Variants in SLC24A3 observed in about 807,000 individuals in gnomAD.
SLC24A3 encodes sodium/potassium/calcium exchanger 3.
SLC24A3 carries 28 observed loss-of-function variants against 75.8 expected under a neutral mutation model. That is an observed-to-expected ratio of 0.37 (90% CI 0.27 to 0.51). The LOEUF is 0.51. Ranked by LOEUF, SLC24A3 falls within the 20% of genes least tolerant of loss-of-function variation. SLC24A3 has a pLI of 0.94. For missense variants in SLC24A3, 663 were observed against 847.8 expected, an observed-to-expected ratio of 0.78 and a Z score of 2.71; for synonymous variants, 372 against 334.1, an observed-to-expected ratio of 1.11 and a Z score of -1.24.
chr20:19,538,349 A>G (rs1048706230), intron 3 of SLC24A3, among the ~76,000 whole-genome samples: 3 of 152,228 alleles, frequency 2.0e-5, no homozygotes, highest in Non-Finnish European at 4.4e-5. Context: ...AGACTTAACT[A>G]TAGATAGAGA....
intron 6 of SLC24A3, among the ~76,000 whole-genome samples, chr20:19,645,685 A>G (rs7344230): frequency 1.1e-3 from 166 of 152,300 alleles, no homozygotes; most frequent in Middle Eastern, 3.4e-3. Context: ...AAAAAATGCA[A>G]TGTACACTTT....
intron 3 of SLC24A3, among the ~76,000 whole-genome samples, chr20:19,568,186 A>G (rs1038999610): frequency 2.0e-5 from 3 of 152,230 alleles, no homozygotes; most frequent in African/African-American, 2.4e-5. Flanking sequence ...CACTATAGTT[A>G]GGAATGCAAA....
intron 2 of SLC24A3, among the ~76,000 whole-genome samples, chr20:19,394,726 G>A (rs1986424065): frequency 6.6e-6 from 1 of 152,222 alleles, no homozygotes; most frequent in Non-Finnish European, 1.5e-5. Flanking sequence ...AACAACTGTT[G>A]ATAAGTCTGT....
At chr20:19,405,237 A>G (rs1373860692) in intron 2 of SLC24A3, among the ~76,000 whole-genome samples, 1 of 152,162 alleles carries the variant, frequency 6.6e-6, no homozygotes, top group Non-Finnish European at 1.5e-5. Context: ...CCCTCTGTGC[A>G]GTGGCTTGAG....
chr20:19,659,710 A>G (rs542139508), intron 7 of SLC24A3, among the ~76,000 whole-genome samples: 2 of 152,214 alleles, frequency 1.3e-5, no homozygotes, highest in Non-Finnish European at 2.9e-5. Flanking sequence ...CGAGTTTGCC[A>G]GAGCAGGTGT....
In SLC24A3 at chr20:19,294,241, C is replaced by G. The variant is rs545765192; in HGVS notation, c.271+13154C>G. 7.9e-5 allele frequency among the ~76,000 whole-genome samples: 12 copies of G among 152,108 alleles called. 1 individual carries two copies. Among genetic ancestry groups the G allele is most frequent in the African/African-American group, 2.9e-4 (12 of 41,468 alleles). On this transcript the variant is annotated intron_variant, in intron 2 of 16. Coordinates refer to ENST00000328041, the MANE Select transcript of SLC24A3 (RefSeq NM_020689.4). The stretch of plus-strand genomic sequence containing the variant: ...AATCAAACCATTTTAATTAATTACT[C>G]TAGTCAAAATTACTTTTAATCAATA...
At chr20:19,423,378 C>G (rs148500728) in intron 2 of SLC24A3, among the ~76,000 whole-genome samples, 5 of 152,106 alleles carry the variant, frequency 3.3e-5, no homozygotes, top group South Asian at 4.1e-4. Context: ...GGCCTTTGCT[C>G]GGTCTGAAAA....
intron 6 of SLC24A3, among the ~76,000 whole-genome samples, chr20:19,610,103 G>C (rs1031588963): frequency 1.3e-5 from 2 of 152,086 alleles, no homozygotes; most frequent in African/African-American, 2.4e-5. Flanking sequence ...TGTGACAGTT[G>C]GTACTTTTTT....
At chr20:19,673,316 C>G (rs2032489629) in intron 8 of SLC24A3, among the ~76,000 whole-genome samples, 1 of 152,200 alleles carries the variant, frequency 6.6e-6, no homozygotes, top group Non-Finnish European at 1.5e-5. Context: ...GACCTATATT[C>G]AGCAACGTGT....
intron 4 of SLC24A3, among the ~76,000 whole-genome samples, chr20:19,583,131 C>T (rs2031242467): frequency 6.6e-6 from 1 of 152,066 alleles, no homozygotes; most frequent in African/African-American, 2.4e-5. Flanking sequence ...CAGAGCAGCT[C>T]CAGGGTAATA....
chr20:19,387,180 CT>C (rs1461832242), intron 2 of SLC24A3, among the ~76,000 whole-genome samples: 2 of 152,028 alleles, frequency 1.3e-5, no homozygotes, highest in African/African-American at 4.8e-5. Flanking sequence ...TCTGTAGAAT[CT>C]ATTGTAATGT....
intron 2 of SLC24A3, among the ~76,000 whole-genome samples, chr20:19,314,645 C>T (rs990028211): frequency 1.3e-5 from 2 of 152,204 alleles, no homozygotes; most frequent in Non-Finnish European, 2.9e-5. Context: ...ATTGTAGACA[C>T]TTAAGCATTC....
chr20:19,413,488 G>T (rs1436170534), intron 2 of SLC24A3, among the ~76,000 whole-genome samples: 1 of 152,114 alleles, frequency 6.6e-6, no homozygotes, highest in African/African-American at 2.4e-5. Context: ...CCTTTGAGCT[G>T]CCCCGTTCTT....
At chr20:19,592,843 TG>T (rs2031398428) in intron 6 of SLC24A3, among the ~76,000 whole-genome samples, 1 of 144,888 alleles carries the variant, frequency 6.9e-6, no homozygotes, top group Non-Finnish European at 1.5e-5. Flanking sequence ...TTGCCCATGC[TG>T]GAGTGCAGTG....
At chr20:19,362,205 G>A (rs1299703053) in intron 2 of SLC24A3, among the ~76,000 whole-genome samples, 2 of 152,224 alleles carry the variant, frequency 1.3e-5, no homozygotes, top group Non-Finnish European at 2.9e-5. Flanking sequence ...AGACGCAGGA[G>A]ATGTTATTTT....
At chr20:19,290,861 T>C (rs58483859) in intron 2 of SLC24A3, among the ~76,000 whole-genome samples, 9,037 of 152,274 alleles carry the variant, frequency 0.059, 596 homozygotes, top group African/African-American at 0.17. Flanking sequence ...CAGCAGGGTC[T>C]ATGTGTGTTC....
chr20:19,525,833 C>T (rs1208533942), intron 3 of SLC24A3, among the ~76,000 whole-genome samples: 2 of 152,182 alleles, frequency 1.3e-5, no homozygotes, highest in African/African-American at 2.4e-5. Flanking sequence ...CCTGCAGACT[C>T]CCCGTGAGTC....
chr20:19,626,466 G>T lies in SLC24A3; in HGVS notation c.613-27596G>T, dbSNP rs1030758078. Among the ~76,000 whole-genome samples, 7 of 152,188 alleles carry T rather than the reference G, an allele frequency of 4.6e-5. 1 individual carries two copies. The highest frequency in any genetic ancestry group is 1.0e-4 in the Non-Finnish European group (7 of 68,038). ...TTGTTATTGAAGGTGACAGAAAAGG[G>T]TGTTGAGTTGAACAGAATAAAATCC... On this transcript the variant is annotated intron_variant, in intron 6 of 16. Transcript: ENST00000328041.
chr20:19,519,575 CT>C (rs922479262), intron 3 of SLC24A3, among the ~76,000 whole-genome samples: 24 of 152,162 alleles, frequency 1.6e-4, no homozygotes, highest in Non-Finnish European at 1.9e-4. Flanking sequence ...ATCTTGACAA[CT>C]TTTTCAACAA....
Sources: gnomAD v4.1 joint callset for allele counts (sites outside exome capture counted in the v4.1 genomes callset) on GRCh38, gnomAD v4.1.1 for gene constraint, MANE v1.5 for transcripts, NCBI Gene and HGNC (gene_info 2026-07-23, HGNC 2026-07-21) for gene names.